Variants in HDAC1 observed in about 807,000 individuals in gnomAD.
HDAC1 encodes the protein protein deacetylase HDAC1.
Under a neutral mutation model 65.5 loss-of-function variants are expected in HDAC1, and 18 were observed. That is an observed-to-expected ratio of 0.27 (90% CI 0.19 to 0.41). The LOEUF is 0.41. Ranked by LOEUF, HDAC1 falls within the 10% of genes least tolerant of loss-of-function variation. The probability of loss-of-function intolerance (pLI) is 1.00; values close to 1 mark genes in which losing one functional copy is unlikely to be tolerated. For synonymous variants in HDAC1, 211 were observed against 227.9 expected (o/e 0.93, Z 0.67); for missense variants, 373 against 625.2 (o/e 0.60, Z 4.30).
Position 32,329,239 on chromosome 1 carries a change from A to G in HDAC1, c.729+79A>G. ...GAGGGGAGCAAAGCACCCCCACCAT[A>G]CCTCAGGAATCTCTCCTTACTAAAG... On this transcript the variant is annotated intron_variant, in intron 7 of 13. Coordinates refer to ENST00000373548, the MANE Select transcript of HDAC1 (RefSeq NM_004964.3). The surrounding 1 kb of genome is among the most constrained non-coding windows in gnomAD (Gnocchi z 4.1). 1 of 841,746 alleles carries G rather than the reference A, an allele frequency of 1.2e-6. No homozygotes were observed. The highest frequency in any genetic ancestry group is 2.1e-6 in the Non-Finnish European group (1 of 477,060). The allele number at this position is 841,746 out of a possible 1,614,324, so 52.1% of individuals were successfully genotyped here.
At chr1:32,297,336 G>A (rs1640780690) in intron 1 of HDAC1, among the ~76,000 whole-genome samples, 3 of 152,152 alleles carry the variant, frequency 2.0e-5, no homozygotes, top group Admixed American at 1.3e-4. Context: ...GAGACCAGGC[G>A]TTCAAGACCA....
rs549913733 is a variant in HDAC1, at chr1:32,292,689, C to A, written c.49+471C>A. The stretch of plus-strand genomic sequence containing the variant: ...TGAGCGGGGCCTGCGGTTGCTACTG[C>A]GACGTGGGGCGCCAGGGGTTGCAAG... On this transcript the variant is annotated intron_variant, in intron 1 of 13. Transcript: ENST00000373548. 1.4e-4 allele frequency among the ~76,000 whole-genome samples: 21 copies of A among 152,162 alleles called. No individual in the cohort carries two copies. The South Asian group carries it at 2.1e-3, about 15-fold the overall frequency.
intron 2 of HDAC1, 116 bp downstream of exon 2, chr1:32,302,849 C>G: frequency 1.5e-6 from 1 of 673,286 alleles, no homozygotes; most frequent in South Asian, 1.6e-5. Context: ...TGCATGTTGA[C>G]TGCTGTTACA....
chr1:32,326,915 T>G, intron 4 of HDAC1, 24 bp from the exon 5 acceptor site: 1 of 1,613,102 alleles, frequency 6.2e-7, no homozygotes, highest in Non-Finnish European at 8.5e-7. Context: ...GTAACAGGCT[T>G]ATGTTCTCTT....
In HDAC1 at chr1:32,333,574, ATAC is replaced by A. The variant is rs1167550110; in HGVS notation, c.*533_*535del. On this transcript the variant is annotated 3_prime_UTR_variant, in exon 14 of 14. Coordinates refer to ENST00000373548, the MANE Select transcript of HDAC1 (RefSeq NM_004964.3). ...TTGCTAGTCTAGTTTCCTTTTTGAG[ATAC>A]TATTTTCATTTTTGTGAGCCTCTTT... is the stretch of plus-strand genomic sequence containing the variant. 6.6e-6 allele frequency: 1 copy of A among 152,530 alleles called. No individual in the cohort carries two copies. Among genetic ancestry groups the A allele is most frequent in the Non-Finnish European group, 1.5e-5 (1 of 68,394 alleles). 9.4% of individuals were successfully genotyped at this position (152,530 alleles called of 1,614,324 possible).
intron 3 of HDAC1, among the ~76,000 whole-genome samples, chr1:32,323,086 GGGTCA>G (rs1306777343): frequency 2.0e-5 from 3 of 152,052 alleles, no homozygotes. Flanking sequence ...GCGGATCACA[GGGTCA>G]GGAGTTTGAG....
At chr1:32,315,048 G>A (rs2148064294) in intron 2 of HDAC1, among the ~76,000 whole-genome samples, 1 of 152,254 alleles carries the variant, frequency 6.6e-6, no homozygotes, top group African/African-American at 2.4e-5. Context: ...GACATTAAGT[G>A]AGGACTTTTG....
chr1:32,306,416 G>A (rs578092248), intron 2 of HDAC1, among the ~76,000 whole-genome samples: 3 of 151,902 alleles, frequency 2.0e-5, no homozygotes, highest in South Asian at 2.1e-4. Context: ...CCTTGGCCTC[G>A]CAAAGTCCTG....
At chr1:32,325,684 T>C (rs916447328) in intron 4 of HDAC1, among the ~76,000 whole-genome samples, 3 of 152,216 alleles carry the variant, frequency 2.0e-5, no homozygotes, top group Non-Finnish European at 4.4e-5. Context: ...ATATAATCTG[T>C]CCCTCTTCTT....
In HDAC1 at chr1:32,327,183, T is replaced by C; in HGVS notation, c.494+106T>C. On this transcript the variant is annotated intron_variant, in intron 5 of 13. Transcript: ENST00000373548. The surrounding 1 kb of genome is among the most constrained non-coding windows in gnomAD (Gnocchi z 6.0). ...TAGTTTGCTTTTCCTACCGATGTGC[T>C]GGCTAGGATGTGCTCGGTGAGTGTC... The C allele has an allele frequency of 8.8e-7, 1 of 1,141,188 alleles. No homozygotes were observed. Among genetic ancestry groups the C allele is most frequent in the Admixed American group, 1.9e-5 (1 of 52,498 alleles). 70.7% of individuals were successfully genotyped at this position (1,141,188 alleles called of 1,614,324 possible). A position where few individuals can be genotyped will look rare whatever the true frequency, so the allele number is the denominator to read the frequency against.
intron 2 of HDAC1, among the ~76,000 whole-genome samples, chr1:32,305,250 G>A (rs906863365): frequency 2.0e-5 from 3 of 152,074 alleles, no homozygotes; most frequent in Admixed American, 1.3e-4. Context: ...TCTTTGATGA[G>A]CATTTGATTT....
chr1:32,296,462 T>C (rs1349754820), intron 1 of HDAC1, among the ~76,000 whole-genome samples: 4 of 152,168 alleles, frequency 2.6e-5, no homozygotes, highest in Admixed American at 2.6e-4. Context: ...CCTCCCAGGC[T>C]CAAGCAGTCC....
Position 32,329,841 on chromosome 1 carries a change from A to G in HDAC1, c.729+681A>G. ...TGAGGAGGTGCCCATGTGAAGAAGGAGGTGATGGCAGTAAGGGTGGCATTT... is the reference window on the plus strand; with the variant it reads ...TGAGGAGGTGCCCATGTGAAGAAGGGGGTGATGGCAGTAAGGGTGGCATTT... On this transcript the variant is annotated intron_variant, in intron 7 of 13. Coordinates refer to ENST00000373548, the MANE Select transcript of HDAC1 (RefSeq NM_004964.3). This position sits in a 1 kb window ranked among gnomAD's most constrained non-coding sequence, Gnocchi z 4.1. The G allele has an allele frequency of 6.4e-6, 1 of 156,432 alleles. No homozygotes were observed. 9.7% of individuals were successfully genotyped at this position (156,432 alleles called of 1,614,324 possible). A position where few individuals can be genotyped will look rare whatever the true frequency, so the allele number is the denominator to read the frequency against.
In HDAC1 at chr1:32,327,221, C is replaced by G; in HGVS notation, c.494+144C>G. On this transcript the variant is annotated intron_variant, in intron 5 of 13. Coordinates refer to ENST00000373548, the MANE Select transcript of HDAC1 (RefSeq NM_004964.3). The surrounding 1 kb of genome is among the most constrained non-coding windows in gnomAD (Gnocchi z 6.0). ...CTCGGTGAGTGTCTCTGGCCATCAT[C>G]TCCTTGATGGGGTCTTGGTTTGATC... is the stretch of plus-strand genomic sequence containing the variant. 2.6e-6 allele frequency: 2 copies of G among 761,916 alleles called. No individual in the cohort carries two copies. Among genetic ancestry groups the G allele is most frequent in the Non-Finnish European group, 4.3e-6 (2 of 465,290 alleles). 47.2% of individuals were successfully genotyped at this position (761,916 alleles called of 1,614,324 possible). A position where few individuals can be genotyped will look rare whatever the true frequency, so the allele number is the denominator to read the frequency against.
rs533634477 is a variant in HDAC1 at position 32,318,795 on chromosome 1, C to T, written c.280+2013C>T. On this transcript the variant is annotated intron_variant, in intron 3 of 13. Coordinates refer to ENST00000373548, the MANE Select transcript of HDAC1 (RefSeq NM_004964.3). ...TTCTGCTCTGGTGCGCCAATTTTTC[C>T]GAATCCAGCATTCTAAAGTTGTACA... 6.6e-5 allele frequency among the ~76,000 whole-genome samples: 10 copies of T among 152,162 alleles called. No homozygotes were observed. The South Asian group carries it at 2.1e-3, about 32-fold the overall frequency.
Position 32,333,088 on chromosome 1 carries a change from T to G in HDAC1, c.*44T>G, listed in dbSNP as rs1301441022. ...GGCTTCCTGCTGAGTCCCTCACGTT[T>G]CTTCCCCAACCCCTCAGATTTTATA... is the stretch of plus-strand genomic sequence containing the variant. On this transcript the variant is annotated 3_prime_UTR_variant, in exon 14 of 14. Transcript: ENST00000373548. The G allele has an allele frequency of 2.6e-6, 4 of 1,537,364 alleles. No homozygotes were observed. In the South Asian group the frequency reaches 4.5e-5, roughly 17 times the overall value.
chr1:32,330,514 C>T lies in HDAC1; in HGVS notation c.730-64C>T. 3.5e-6 allele frequency: 4 copies of T among 1,135,656 alleles called. No homozygotes were observed. In the South Asian group the frequency reaches 3.7e-5, roughly 11 times the overall value. The allele number at this position is 1,135,656 out of a possible 1,614,324, so 70.3% of individuals were successfully genotyped here. On this transcript the variant is annotated intron_variant, in intron 7 of 13. Transcript: ENST00000373548. This position sits in a 1 kb window ranked among gnomAD's most constrained non-coding sequence, Gnocchi z 4.2. The stretch of plus-strand genomic sequence containing the variant: ...TGGGTGGGAAAGTGTTGCACCCAGC[C>T]TTTCCACTCCAAACCTCGTATTGCT...
chr1:32,313,085 T>A (rs1320232621), intron 2 of HDAC1, among the ~76,000 whole-genome samples: 3 of 150,450 alleles, frequency 2.0e-5, no homozygotes, highest in East Asian at 3.9e-4. Context: ...TATTTTATTT[T>A]ATTTATTTAT....
chr1:32,311,865 A>T (rs1447780793), intron 2 of HDAC1, among the ~76,000 whole-genome samples: 1 of 152,200 alleles, frequency 6.6e-6, no homozygotes, highest in Non-Finnish European at 1.5e-5. Flanking sequence ...CAGAACTAAG[A>T]TCAAAATGGA....
Sources: gnomAD v4.1 joint callset for allele counts (sites outside exome capture counted in the v4.1 genomes callset) on GRCh38, gnomAD v4.1.1 for gene constraint, Gnocchi (gnomAD v3.1) non-coding constraint, MANE v1.5 for transcripts, NCBI Gene and HGNC (gene_info 2026-07-23, HGNC 2026-07-21) for gene names.